Variants in KDM4D observed in about 807,000 individuals in gnomAD.
KDM4D encodes the protein lysine demethylase 4D.
For missense variants in KDM4D, 427 were observed against 674.8 expected, an observed-to-expected ratio of 0.63 and a Z score of 4.07; for synonymous variants, 254 against 249.1, an observed-to-expected ratio of 1.02 and a Z score of -0.19.
At chr11:94,985,055 A>G (rs979255985) in intron 2 of KDM4D, among the ~76,000 whole-genome samples, 1 of 152,254 alleles carries the variant, frequency 6.6e-6, no homozygotes, top group Non-Finnish European at 1.5e-5. Context: ...TACTTGTAGC[A>G]GGAGCAAGAT....
At position 94,998,923 on chromosome 11, in the gene KDM4D, C is replaced by T. The variant is rs1858003486; in HGVS notation, c.1551C>T (p.Cys517=). The T allele has an allele frequency of 6.6e-7, 1 of 1,511,410 alleles. No individual in the cohort carries two copies. The highest frequency in any genetic ancestry group is 1.4e-5 in the African/African-American group (1 of 71,682). The allele number at this position is 1,511,410 out of a possible 1,614,324, so 93.6% of individuals were successfully genotyped here. Reference sequence around the variant, plus strand: ...AGCATCCTGTCAAGGCTTCTGGGTGCAGCTGGGCCCCTGTGCCCTAAGTCC... The same window carrying T: ...AGCATCCTGTCAAGGCTTCTGGGTGTAGCTGGGCCCCTGTGCCCTAAGTCC... ...GLQHPVKASG[C]SWAPVP is the part of the protein sequence containing the mutation. The change falls in exon 3 of 3, where the codon TGC becomes TGT. Residue 517 remains cysteine, a synonymous_variant. Transcript: ENST00000335080. This position sits in a 1 kb window ranked among gnomAD's most constrained non-coding sequence, Gnocchi z 6.7.
Position 94,998,296 on chromosome 11 carries a change from C to T in KDM4D, c.924C>T (p.Ser308=), listed in dbSNP as rs782282212. 1 of 1,614,188 alleles carries T rather than the reference C, an allele frequency of 6.2e-7. No individual in the cohort carries two copies. The highest frequency in any genetic ancestry group is 8.5e-7 in the Non-Finnish European group (1 of 1,180,026). The change falls in exon 3 of 3, where the codon TCC becomes TCT. Residue 308 remains serine (S), a synonymous_variant. Coordinates refer to ENST00000335080, the MANE Select transcript of KDM4D (RefSeq NM_018039.3). The surrounding 1 kb of genome is among the most constrained non-coding windows in gnomAD (Gnocchi z 6.7). The part of the protein sequence containing the change: ...PRWIDYGKMA[S]QCSCGEARVT... ...GGATTGATTATGGCAAAATGGCCTCCCAGTGTAGCTGTGGGGAGGCAAGGG... is the reference window on the plus strand; with the variant it reads ...GGATTGATTATGGCAAAATGGCCTCTCAGTGTAGCTGTGGGGAGGCAAGGG...
rs998349853 is a variant in KDM4D, at chr11:94,998,892, G to T, written c.1520G>T (p.Gly507Val). 2.0e-6 allele frequency: 3 copies of T among 1,518,668 alleles called. No individual in the cohort carries two copies. In the East Asian group the frequency reaches 6.8e-5, roughly 35 times the overall value. The allele number at this position is 1,518,668 out of a possible 1,614,324, so 94.1% of individuals were successfully genotyped here. A position where few individuals can be genotyped will look rare whatever the true frequency, so the allele number is the denominator to read the frequency against. ...GACAAGCCTGTACCACTGAGCCCAG[G>T]GCTCCAGCATCCTGTCAAGGCTTCT... ...LMDKPVPLSPGLQHPVKASGC... is the reference protein window; with the variant it reads ...LMDKPVPLSPVLQHPVKASGC... Residue 507 changes from glycine (G) to valine (V), a missense_variant, in exon 3 of 3, where the codon GGG (glycine) becomes GTG (valine). Transcript: ENST00000335080. This position sits in a 1 kb window ranked among gnomAD's most constrained non-coding sequence, Gnocchi z 6.7.
chr11:94,997,293 A>ATT lies in KDM4D; in HGVS notation c.-72_-71dup. 8.5e-7 allele frequency: 1 copy of ATT among 1,175,264 alleles called. No individual in the cohort carries two copies. Among genetic ancestry groups the ATT allele is most frequent in the Non-Finnish European group, 1.2e-6 (1 of 859,042 alleles). 72.8% of individuals were successfully genotyped at this position (1,175,264 alleles called of 1,614,324 possible). On this transcript the variant is annotated 5_prime_UTR_variant, in exon 3 of 3. Transcript: ENST00000335080. ...CTACCTCATAGATAACACCAGTCAA[A>ATT]TTTTTTTTTAAAGTAGCATTTTCCT...
At chr11:94,989,616 G>A (rs931425481) in intron 2 of KDM4D, among the ~76,000 whole-genome samples, 34 of 152,072 alleles carry the variant, frequency 2.2e-4, no homozygotes, top group African/African-American at 7.5e-4. Flanking sequence ...ACTTGCTGCC[G>A]TGTGTCTTTC....
At chr11:94,985,662 A>C (rs1271863991) in intron 2 of KDM4D, among the ~76,000 whole-genome samples, 1 of 152,218 alleles carries the variant, frequency 6.6e-6, no homozygotes, top group Non-Finnish European at 1.5e-5. Flanking sequence ...TGGAGGGCTC[A>C]CACTTTTCTA....
chr11:94,974,539 TGAA>T (rs782705494), intron 1 of KDM4D, among the ~76,000 whole-genome samples: 63 of 152,308 alleles, frequency 4.1e-4, no homozygotes, highest in Non-Finnish European at 8.5e-4. Flanking sequence ...AACTTTTTAA[TGAA>T]GAAAGAAAAG....
intron 2 of KDM4D, among the ~76,000 whole-genome samples, chr11:94,980,845 A>G (rs1383047794): frequency 6.6e-6 from 1 of 152,164 alleles, no homozygotes; most frequent in African/African-American, 2.4e-5. Context: ...TGTCACATGT[A>G]CAATCATGTC....
chr11:94,991,255 G>A (rs2134114220), intron 2 of KDM4D, among the ~76,000 whole-genome samples: 1 of 152,244 alleles, frequency 6.6e-6, no homozygotes, highest in South Asian at 2.1e-4. Flanking sequence ...CATGTACCCT[G>A]AGCTTCTAAT....
intron 2 of KDM4D, among the ~76,000 whole-genome samples, chr11:94,979,548 A>ACT (rs1857826811): frequency 6.6e-6 from 1 of 152,162 alleles, no homozygotes; most frequent in Non-Finnish European, 1.5e-5. Flanking sequence ...GCATTTCTAA[A>ACT]TGATAATAGT....
At chr11:94,989,027 C>G (rs914455666) in intron 2 of KDM4D, among the ~76,000 whole-genome samples, 4 of 152,088 alleles carry the variant, frequency 2.6e-5, no homozygotes, top group African/African-American at 7.2e-5. Context: ...GATTCAGTAC[C>G]AGATGTGTTT....
chr11:94,986,610 T>C lies in KDM4D; in HGVS notation c.-349-10414T>C, dbSNP rs781950693. On this transcript the variant is annotated intron_variant, in intron 2 of 2. Coordinates refer to ENST00000335080, the MANE Select transcript of KDM4D (RefSeq NM_018039.3). The stretch of plus-strand genomic sequence containing the variant: ...GACCCTGTCTTAAAAAACAAAAAAT[T>C]AAAAACCACAAAAATTACGACTTTT... 2.7e-4 allele frequency among the ~76,000 whole-genome samples: 41 copies of C among 151,920 alleles called. 1 individual carries two copies. The highest frequency in any genetic ancestry group is 7.4e-5 in the Non-Finnish European group (5 of 67,962).
rs200840437 is a variant in KDM4D at position 94,997,572 on chromosome 11, G to A, written c.200G>A (p.Ser67Asn). The part of the protein sequence containing the change: ...WKARETYDNI[S>N]EILIATPLQQ... ...GCCAGAGAGACCTATGATAATATCA[G>A]TGAAATCTTAATAGCCACTCCCCTC... The change falls in exon 3 of 3, where the codon AGT becomes AAT. Residue 67 changes from serine to asparagine, a missense_variant. Physicochemically the swap from Ser to Asn is conservative, Grantham distance 46. Transcript: ENST00000335080. The A allele has an allele frequency of 3.5e-5, 57 of 1,613,842 alleles. No homozygotes were observed. The highest frequency in any genetic ancestry group is 4.8e-5 in the Non-Finnish European group (57 of 1,180,006).
At chr11:94,986,510 T>G (rs1555098134) in intron 2 of KDM4D, among the ~76,000 whole-genome samples, 1 of 152,102 alleles carries the variant, frequency 6.6e-6, no homozygotes, top group East Asian at 1.9e-4. Flanking sequence ...GCAGGGGGAT[T>G]ACCTGAGCCT....
intron 2 of KDM4D, among the ~76,000 whole-genome samples, chr11:94,992,262 A>T (rs1857941140): frequency 6.8e-6 from 1 of 147,744 alleles, no homozygotes; most frequent in Non-Finnish European, 1.5e-5. Flanking sequence ...GTTAAATGAC[A>T]AACTGGCAAA....
chr11:94,985,017 GA>G (rs1213325217), intron 2 of KDM4D, among the ~76,000 whole-genome samples: 1 of 152,182 alleles, frequency 6.6e-6, no homozygotes, highest in Non-Finnish European at 1.5e-5. Context: ...CATTTCATCT[GA>G]AATATTTATT....
rs1857772027 is a variant in KDM4D at position 94,973,926 on chromosome 11, T to C, written c.-587T>C. 6.6e-6 allele frequency: 1 copy of C among 152,224 alleles called. No homozygotes were observed. Among genetic ancestry groups the C allele is most frequent in the Admixed American group, 6.5e-5 (1 of 15,290 alleles). 9.4% of individuals were successfully genotyped at this position (152,224 alleles called of 1,614,324 possible). ...AAAGGATTACACCAAACTGTTTAAA[T>C]CCAACGACTCCTGCTTCCATCCTTT... On this transcript the variant is annotated 5_prime_UTR_variant, in exon 1 of 3. Transcript: ENST00000335080.
rs587638784 is a variant in KDM4D at position 94,974,629 on chromosome 11, CT to C, written c.-445+563del. 1.8e-4 allele frequency among the ~76,000 whole-genome samples: 27 copies of C among 152,338 alleles called. 1 individual carries two copies. Among genetic ancestry groups the C allele is most frequent in the Middle Eastern group, 6.8e-3 (2 of 294 alleles). On this transcript the variant is annotated intron_variant, in intron 1 of 2. Transcript: ENST00000335080. ...TTACCGAAGGTATCCCTCCTCCAGT[CT>C]TAACAAGTCTCACTAAAAGACGCGA...
Position 94,997,542 on chromosome 11 carries a change from G to C in KDM4D, c.170G>C (p.Trp57Ser). ...GLAKIIPPKE[W>S]KARETYDNIS... ...GCTAAGATAATTCCACCCAAAGAAT[G>C]GAAAGCCAGAGAGACCTATGATAAT... Residue 57 changes from tryptophan to serine, a missense_variant, in exon 3 of 3, where the codon TGG becomes TCG. Coordinates refer to ENST00000335080, the MANE Select transcript of KDM4D (RefSeq NM_018039.3). 6.2e-7 allele frequency: 1 copy of C among 1,614,108 alleles called. No individual in the cohort carries two copies. The highest frequency in any genetic ancestry group is 2.2e-5 in the East Asian group (1 of 44,886).
Sources: allele counts gnomAD v4.1 joint callset (sites outside exome capture counted in the v4.1 genomes callset), GRCh38; gene constraint gnomAD v4.1.1; non-coding constraint Gnocchi (gnomAD v3.1); transcripts MANE v1.5; gene names NCBI Gene and HGNC (gene_info 2026-07-23, HGNC 2026-07-21).